The following ZHX2 variants were observed in gnomAD, a reference collection of about 807,000 sequenced individuals.
ZHX2 encodes the protein zinc fingers and homeoboxes 2.
Under a neutral mutation model 21.9 loss-of-function variants are expected in ZHX2, and 6 were observed. The ratio of observed to expected loss-of-function variants is 0.27; its 90% confidence interval spans 0.15 to 0.54. ZHX2 has a LOEUF of 0.54. Ranked by LOEUF, ZHX2 falls within the 20% of genes least tolerant of loss-of-function variation. The pLI is 0.95. For synonymous variants in ZHX2, 434 were observed against 437.1 expected (o/e 0.99, Z 0.09); for missense variants, 908 against 1,090.7 (o/e 0.83, Z 2.36).
intron 1 of ZHX2, among the ~76,000 whole-genome samples, chr8:122,861,061 A>G (rs1002943205): frequency 6.1e-5 from 9 of 147,596 alleles, no homozygotes; most frequent in South Asian, 2.2e-4. Context: ...AAAAAAAAGC[A>G]CTATCAGAGA....
At chr8:122,868,619 A>T (rs1421464494) in intron 2 of ZHX2, among the ~76,000 whole-genome samples, 3 of 150,946 alleles carry the variant, frequency 2.0e-5, no homozygotes, top group Non-Finnish European at 4.4e-5. Context: ...GAGAATGGCG[A>T]GAACCCGGGA....
At chr8:122,801,535 G>T (rs72717967) in intron 1 of ZHX2, among the ~76,000 whole-genome samples, 6,278 of 150,550 alleles carry the variant, frequency 0.042, 178 homozygotes, top group South Asian at 0.076. Context: ...CTGCTTGAGT[G>T]CCCAGCAGTT....
At chr8:122,916,195 C>T (rs565189557) in intron 2 of ZHX2, among the ~76,000 whole-genome samples, 1 of 152,340 alleles carries the variant, frequency 6.6e-6, no homozygotes, top group Non-Finnish European at 1.5e-5. Context: ...CCCGGATTTC[C>T]TCCTTCCCAG....
intron 2 of ZHX2, among the ~76,000 whole-genome samples, chr8:122,896,737 G>A (rs1820109241): frequency 6.6e-6 from 1 of 152,206 alleles, no homozygotes; most frequent in Non-Finnish European, 1.5e-5. Flanking sequence ...CTGCTCTGCT[G>A]CCCTCTACCT....
intron 1 of ZHX2, among the ~76,000 whole-genome samples, chr8:122,788,762 C>T (rs1346561054): frequency 7.2e-5 from 11 of 152,044 alleles, no homozygotes; most frequent in Admixed American, 5.2e-4. Flanking sequence ...GGAGAAGGGA[C>T]GGTTTTAGAT....
intron 1 of ZHX2, among the ~76,000 whole-genome samples, chr8:122,783,048 A>C (rs1321960499): frequency 6.6e-6 from 1 of 152,072 alleles, no homozygotes; most frequent in Non-Finnish European, 1.5e-5. Flanking sequence ...TGAGCCTGGG[A>C]GGCGGAGGAG....
chr8:122,816,636 T>TA (rs397695847), intron 1 of ZHX2: 2 of 151,620 alleles, frequency 1.3e-5, no homozygotes, highest in African/African-American at 4.8e-5. Flanking sequence ...CTTTTTTTTT[T>TA]AATAGAGGAA....
At chr8:122,900,542 C>T (rs944861094) in intron 2 of ZHX2, among the ~76,000 whole-genome samples, 2 of 152,148 alleles carry the variant, frequency 1.3e-5, no homozygotes, top group Admixed American at 1.3e-4. Flanking sequence ...ATATCTAAAC[C>T]ATGGCAAATG....
chr8:122,968,595 T>G lies in ZHX2; in HGVS notation c.*5-4647T>G, dbSNP rs569486812. On this transcript the variant is annotated intron_variant, in intron 3 of 3. Transcript: ENST00000314393. The stretch of plus-strand genomic sequence containing the variant: ...GGCTCATGCCTGTAATCGCAGCACT[T>G]TGGGAGGCCAAGGCGGGTGGGTTAC... Among the ~76,000 whole-genome samples the G allele has an allele frequency of 2.0e-5, 3 of 152,192 alleles. No homozygotes were observed. The South Asian group carries it at 6.2e-4, about 32-fold the overall frequency.
At chr8:122,959,613 T>G (rs2130331085) in intron 3 of ZHX2, among the ~76,000 whole-genome samples, 1 of 152,284 alleles carries the variant, frequency 6.6e-6, no homozygotes, top group Non-Finnish European at 1.5e-5. Flanking sequence ...ATTTCAATCC[T>G]TTTGCTTGTC....
chr8:122,917,031 T>TC (rs1378476425), intron 2 of ZHX2, among the ~76,000 whole-genome samples: 1 of 151,850 alleles, frequency 6.6e-6, no homozygotes, highest in Non-Finnish European at 1.5e-5. Context: ...CTGTCCCCAG[T>TC]CCCCCCCACC....
chr8:122,951,784 G>A lies in ZHX2; in HGVS notation c.274G>A (p.Glu92Lys), dbSNP rs771818495. 26 of 1,614,114 alleles carry A rather than the reference G, an allele frequency of 1.6e-5. No homozygotes were observed. The highest frequency in any genetic ancestry group is 2.2e-5 in the East Asian group (1 of 44,880). The stretch of plus-strand genomic sequence containing the variant: ...CCCCTACTCCACGCAAAACCTGAAC[G>A]AGTTCACGGAGCATGTCGACATGCA... ...YCPYSTQNLN[E>K]FTEHVDMQHP... Residue 92 changes from glutamate to lysine, a missense_variant, in exon 3 of 4, where the codon GAG (glutamate) becomes AAG (lysine). Physicochemically the swap from Glu to Lys is moderately conservative, Grantham distance 56. Coordinates refer to ENST00000314393, the MANE Select transcript of ZHX2 (RefSeq NM_014943.5).
intron 1 of ZHX2, among the ~76,000 whole-genome samples, chr8:122,786,129 A>G (rs1289012427): frequency 6.6e-6 from 1 of 152,230 alleles, no homozygotes; most frequent in Non-Finnish European, 1.5e-5. Context: ...GTCAGCTGTT[A>G]CAGGGAGGCA....
chr8:122,961,378 TA>T (rs1474222789), intron 3 of ZHX2, among the ~76,000 whole-genome samples: 14 of 152,188 alleles, frequency 9.2e-5, no homozygotes, highest in African/African-American at 2.9e-4. Context: ...CATATGAATT[TA>T]GGGGGGATAT....
At chr8:122,887,498 A>G (rs982912988) in intron 2 of ZHX2, among the ~76,000 whole-genome samples, 5 of 152,178 alleles carry the variant, frequency 3.3e-5, no homozygotes, top group African/African-American at 1.2e-4. Flanking sequence ...AGCCTGGGTG[A>G]CAGAGCGAGA....
intron 1 of ZHX2, among the ~76,000 whole-genome samples, chr8:122,783,964 C>G (rs1389081696): frequency 6.6e-6 from 1 of 152,228 alleles, no homozygotes; most frequent in Admixed American, 6.5e-5. Flanking sequence ...TTCCTTCTAG[C>G]CAGGTTTGCT....
chr8:122,796,976 G>A (rs970733374), intron 1 of ZHX2, among the ~76,000 whole-genome samples: 2 of 152,116 alleles, frequency 1.3e-5, no homozygotes, highest in Admixed American at 1.3e-4. Context: ...GATGCAGGCC[G>A]GCCAGGGGGT....
In ZHX2 at chr8:122,915,424, A is replaced by G. The variant is rs76833106; in HGVS notation, c.-219-35868A>G. Among the ~76,000 whole-genome samples the G allele has an allele frequency of 1.9e-3, 291 of 152,272 alleles. 1 individual carries two copies. The highest frequency in any genetic ancestry group is 6.7e-3 in the African/African-American group (277 of 41,546). On this transcript the variant is annotated intron_variant, in intron 2 of 3. Coordinates refer to ENST00000314393, the MANE Select transcript of ZHX2 (RefSeq NM_014943.5). ...TCTTGGTGTCTCACAACCCCAATGG[A>G]CAGTGTGTTCCCTTTAAACTGGGAG...
At chr8:122,906,693 CAG>C (rs1251928250) in intron 2 of ZHX2, among the ~76,000 whole-genome samples, 1 of 115,308 alleles carries the variant, frequency 8.7e-6, no homozygotes, top group African/African-American at 3.4e-5. Flanking sequence ...TTTTTTGAGA[CAG>C]AGTCTTGCTC....
Sources: allele counts gnomAD v4.1 joint callset (sites outside exome capture counted in the v4.1 genomes callset), GRCh38; gene constraint gnomAD v4.1.1; transcripts MANE v1.5; gene names NCBI Gene and HGNC (gene_info 2026-07-23, HGNC 2026-07-21).